The following PRRC2C variants were observed in gnomAD, a reference collection of about 807,000 sequenced individuals.
PRRC2C encodes protein PRRC2C.
In PRRC2C, 72 loss-of-function variants were observed where a neutral mutation model predicts 317.2. The ratio of observed to expected loss-of-function variants is 0.23; its 90% CI spans 0.19 to 0.28. The LOEUF (loss-of-function observed/expected upper bound fraction) is 0.28. Ranked by LOEUF, PRRC2C falls within the 10% of genes least tolerant of loss-of-function variation. PRRC2C has a pLI of 1.00. For synonymous variants in PRRC2C, 1,296 were observed against 1,205.9 expected, an observed-to-expected ratio of 1.07 and a Z score of -1.55; for missense variants, 3,074 against 3,459.7, an observed-to-expected ratio of 0.89 and a Z score of 2.80.
chr1:171,527,551 G>A (rs566786582), intron 10 of PRRC2C, among the ~76,000 whole-genome samples: 288 of 149,390 alleles, frequency 1.9e-3, no homozygotes, highest in African/African-American at 6.8e-3. Flanking sequence ...GACATCAGGA[G>A]TTCAAGAACA....
intron 28 of PRRC2C, among the ~76,000 whole-genome samples, chr1:171,583,741 A>G (rs893790687): frequency 2.6e-5 from 4 of 152,188 alleles, no homozygotes; most frequent in Non-Finnish European, 5.9e-5. Context: ...CATATGTTCT[A>G]TGATATTAGA....
intron 5 of PRRC2C, among the ~76,000 whole-genome samples, chr1:171,516,231 G>A (rs1423124795): frequency 6.6e-6 from 1 of 152,072 alleles, no homozygotes; most frequent in Non-Finnish European, 1.5e-5. Flanking sequence ...CTCACTTTCT[G>A]AGCTCAAACT....
At chr1:171,575,244 C>A in intron 25 of PRRC2C, 116 bp downstream of exon 25, 1 of 1,033,140 alleles carries the variant, frequency 9.7e-7, no homozygotes, top group Non-Finnish European at 1.4e-6. Context: ...ATCTTCCCAC[C>A]TCAGCCTCCC....
At chr1:171,590,930 AG>A (rs1651284206) in intron 34 of PRRC2C, among the ~76,000 whole-genome samples, 1 of 152,248 alleles carries the variant, frequency 6.6e-6, no homozygotes, top group East Asian at 1.9e-4. Context: ...GGTTACCTAT[AG>A]AACATAAAGC....
chr1:171,560,222 G>A (rs537615359), intron 19 of PRRC2C, among the ~76,000 whole-genome samples: 2 of 152,322 alleles, frequency 1.3e-5, no homozygotes, highest in Admixed American at 1.3e-4. Context: ...GGAAGAAGTT[G>A]ATTGTAACCC....
At chr1:171,582,442 G>A (rs1284961427) in intron 28 of PRRC2C, among the ~76,000 whole-genome samples, 1 of 152,164 alleles carries the variant, frequency 6.6e-6, no homozygotes, top group Non-Finnish European at 1.5e-5. Flanking sequence ...AAGTATCAGT[G>A]ATGGGGAGAC....
rs566801730 is a variant in PRRC2C at position 171,569,523 on chromosome 1, G to T, written c.6651+1184G>T. Among the ~76,000 whole-genome samples the T allele has an allele frequency of 2.7e-4, 37 of 137,898 alleles. No individual in the cohort carries two copies. In the South Asian group the frequency reaches 7.5e-3, roughly 28 times the overall value. 90.5% of individuals were successfully genotyped at this position (137,898 alleles called of 152,430 possible). On this transcript the variant is annotated intron_variant, in intron 23 of 34. Transcript: ENST00000647382. ...GAGCTCTCTAGGAGCTGATTAATGT[G>T]ATTTGTTCAACTTTCCTCCCACCCA...
At chr1:171,529,736 G>A (rs920341612) in intron 11 of PRRC2C, among the ~76,000 whole-genome samples, 4 of 152,156 alleles carry the variant, frequency 2.6e-5, no homozygotes, top group East Asian at 1.9e-4. Flanking sequence ...GATTAGGTCC[G>A]TTACTCCTTG....
chr1:171,574,271 T>A (rs1200313134), intron 24 of PRRC2C, among the ~76,000 whole-genome samples: 2 of 152,180 alleles, frequency 1.3e-5, no homozygotes, highest in Admixed American at 1.3e-4. Context: ...TGTATTTACT[T>A]TTTAAAATGT....
intron 19 of PRRC2C, among the ~76,000 whole-genome samples, chr1:171,559,041 TTC>T (rs1163620463): frequency 2.6e-5 from 4 of 152,210 alleles, no homozygotes; most frequent in Admixed American, 6.5e-5. Context: ...TCTATCTCTA[TTC>T]AATTCTGTGA....
intron 3 of PRRC2C, among the ~76,000 whole-genome samples, 196 bp from the exon 4 acceptor site, chr1:171,514,340 A>G (rs754508065): frequency 1.4e-4 from 22 of 152,038 alleles, no homozygotes; most frequent in Non-Finnish European, 2.9e-4. Context: ...GGGTTATTCA[A>G]AGGTAGAGAT....
chr1:171,571,078 ACTCT>A (rs1684704103), intron 23 of PRRC2C, among the ~76,000 whole-genome samples: 1 of 152,190 alleles, frequency 6.6e-6, no homozygotes, highest in South Asian at 2.1e-4. Flanking sequence ...TCTGGTGCAG[ACTCT>A]CTTTCTGCCA....
intron 16 of PRRC2C, 55 bp downstream of exon 16, chr1:171,542,284 T>C: frequency 1.4e-6 from 2 of 1,391,316 alleles, no homozygotes; most frequent in Non-Finnish European, 1.9e-6. Context: ...AAGCTAAAAG[T>C]AGAGTTCTTG....
chr1:171,486,448 G>A (rs530929015), intron 1 of PRRC2C, among the ~76,000 whole-genome samples: 2 of 152,204 alleles, frequency 1.3e-5, no homozygotes, highest in South Asian at 2.1e-4. Context: ...CAGGGTAAAG[G>A]CCCCGTTTTA....
At chr1:171,576,298 A>G (rs909622180) in intron 25 of PRRC2C, among the ~76,000 whole-genome samples, 6 of 152,036 alleles carry the variant, frequency 3.9e-5, no homozygotes, top group African/African-American at 1.5e-4. Context: ...AACCCAACTA[A>G]CCCGTTTCCC....
At chr1:171,568,720 C>T (rs538458116) in intron 23 of PRRC2C, among the ~76,000 whole-genome samples, 2 of 152,240 alleles carry the variant, frequency 1.3e-5, no homozygotes, top group East Asian at 3.9e-4. Context: ...TGAAACCCAA[C>T]TTATTTAAGA....
intron 19 of PRRC2C, among the ~76,000 whole-genome samples, chr1:171,560,153 CT>C (rs756152983): frequency 1.3e-5 from 2 of 152,146 alleles, no homozygotes; most frequent in Non-Finnish European, 2.9e-5. Flanking sequence ...TTCTAGACTC[CT>C]TTAAGAACAT....
At chr1:171,512,272 A>G (rs1310732244) in intron 2 of PRRC2C, 72 bp downstream of exon 2, 13 of 1,095,668 alleles carry the variant, frequency 1.2e-5, no homozygotes, top group East Asian at 2.7e-5. Context: ...ACCTGCTGCT[A>G]TGAGAAGCTA....
Position 171,540,657 on chromosome 1 carries a change from C to A in PRRC2C, c.3191C>A (p.Pro1064Gln). The A allele has an allele frequency of 1.2e-6, 2 of 1,613,912 alleles. No homozygotes were observed. Among genetic ancestry groups the A allele is most frequent in the Admixed American group, 1.7e-5 (1 of 60,014 alleles). The change falls in exon 16 of 35, where the codon CCA (proline) becomes CAA (glutamine). Residue 1064 changes from proline (P) to glutamine (Q), a missense_variant. Pro to Gln is a moderately conservative substitution (Grantham distance 76, BLOSUM62 -1). This residue lies in a region of PRRC2C where 1,320 missense variants were observed against 1,395.7 expected (regional missense o/e 0.95). Coordinates refer to ENST00000647382, the MANE Select transcript of PRRC2C (RefSeq NM_001387844.1). ...GAAAAGAAGGATCTTCCTCCTCCCC[C>A]ACCACCACCTCAGCCACCAGCACCA... Reference protein sequence around the residue: ...KTEKKDLPPPPPPPQPPAPIQ... With the variant: ...KTEKKDLPPPQPPPQPPAPIQ...
Sources: allele counts gnomAD v4.1 joint callset (sites outside exome capture counted in the v4.1 genomes callset), GRCh38; gene constraint gnomAD v4.1.1; regional missense constraint gnomAD v4.1.1; transcripts MANE v1.5; gene names NCBI Gene and HGNC (gene_info 2026-07-23, HGNC 2026-07-21).